Variants in ZNF385B observed in about 807,000 individuals in gnomAD.
ZNF385B encodes the protein zinc finger protein 533.
Under a neutral mutation model 39.2 loss-of-function variants are expected in ZNF385B, and 23 were observed. That is an observed-to-expected ratio of 0.59 (90% CI 0.42 to 0.83). ZNF385B has a LOEUF of 0.83. Ranked by LOEUF, ZNF385B falls within the 40% of genes least tolerant of loss-of-function variation. ZNF385B has a pLI of 0.00. For missense variants in ZNF385B, 552 were observed against 598.9 expected (o/e 0.92, Z 0.82); for synonymous variants, 205 against 222.6 (o/e 0.92, Z 0.70).
chr2:179,716,495 C>G (rs935980309), intron 3 of ZNF385B, among the ~76,000 whole-genome samples: 1 of 152,132 alleles, frequency 6.6e-6, no homozygotes, highest in Non-Finnish European at 1.5e-5. Context: ...AGATTATGTT[C>G]ATAAAAATGT....
intron 1 of ZNF385B, among the ~76,000 whole-genome samples, chr2:179,843,258 G>A (rs1487956733): frequency 6.6e-6 from 1 of 152,150 alleles, no homozygotes; most frequent in Non-Finnish European, 1.5e-5. Flanking sequence ...GAGGCAAAGG[G>A]AGCACAGGGG....
At chr2:179,444,412 T>C (rs2049260066) in intron 9 of ZNF385B, among the ~76,000 whole-genome samples, 1 of 152,214 alleles carries the variant, frequency 6.6e-6, no homozygotes, top group African/African-American at 2.4e-5. Context: ...ATTACCAACA[T>C]GCCTGCTAGA....
intron 3 of ZNF385B, among the ~76,000 whole-genome samples, chr2:179,560,783 T>C (rs1376653477): frequency 6.6e-6 from 1 of 152,220 alleles, no homozygotes; most frequent in Non-Finnish European, 1.5e-5. Context: ...AAAGCACTCA[T>C]AAAATTTGTC....
At chr2:179,607,049 G>A (rs536240328) in intron 3 of ZNF385B, among the ~76,000 whole-genome samples, 4 of 152,176 alleles carry the variant, frequency 2.6e-5, no homozygotes, top group East Asian at 1.9e-4. Context: ...ATTTGGTTAC[G>A]TCTGGACCTG....
chr2:179,806,195 G>T (rs6706312), intron 1 of ZNF385B, among the ~76,000 whole-genome samples: 15,940 of 151,990 alleles, frequency 0.1, 969 homozygotes, highest in Non-Finnish European at 0.13. Context: ...AATATGTAAA[G>T]AACTCATTCT....
chr2:179,504,517 T>A (rs1394661011), intron 5 of ZNF385B, among the ~76,000 whole-genome samples: 1 of 152,060 alleles, frequency 6.6e-6, no homozygotes, highest in East Asian at 1.9e-4. Context: ...TTCCTATTTC[T>A]CCACATCCTC....
rs191368313 is a variant in ZNF385B, at chr2:179,456,265, A to G, written c.716-9495T>C. On this transcript the variant is annotated intron_variant, in intron 6 of 9. Coordinates refer to ENST00000410066, the MANE Select transcript of ZNF385B (RefSeq NM_152520.6). ...GTGTACATTTCTGAGCTTTTGATGC[A>G]TATACCAAATTGCCCTCCAGAATGG... Among the ~76,000 whole-genome samples, 75 of 152,318 alleles carry G rather than the reference A, an allele frequency of 4.9e-4. 1 individual carries two copies. In the East Asian group the frequency reaches 0.011, roughly 22 times the overall value.
At chr2:179,628,549 G>A (rs1442891921) in intron 3 of ZNF385B, among the ~76,000 whole-genome samples, 1 of 152,138 alleles carries the variant, frequency 6.6e-6, no homozygotes, top group African/African-American at 2.4e-5. Context: ...GAGTGGGGTT[G>A]TACTTCTATA....
chr2:179,622,432 A>T (rs1690294755), intron 3 of ZNF385B, among the ~76,000 whole-genome samples: 1 of 152,194 alleles, frequency 6.6e-6, no homozygotes, highest in Admixed American at 6.5e-5. Flanking sequence ...GTATCTAATG[A>T]CACTGGAAAA....
intron 3 of ZNF385B, among the ~76,000 whole-genome samples, chr2:179,613,819 C>A (rs1035224221): frequency 6.6e-6 from 1 of 152,084 alleles, no homozygotes; most frequent in Admixed American, 6.5e-5. Context: ...ACCTAGACTG[C>A]CTTTTAAGTT....
chr2:179,823,935 A>G (rs1707541431), intron 1 of ZNF385B, among the ~76,000 whole-genome samples: 1 of 152,126 alleles, frequency 6.6e-6, no homozygotes, highest in African/African-American at 2.4e-5. Flanking sequence ...GGCTTGAGCA[A>G]TTACAGGTAT....
intron 5 of ZNF385B, among the ~76,000 whole-genome samples, chr2:179,490,593 G>A (rs930138233): frequency 6.7e-6 from 1 of 149,644 alleles, no homozygotes; most frequent in Non-Finnish European, 1.5e-5. Context: ...GCTGCAGTTT[G>A]AGTTAAAAAT....
chr2:179,505,950 T>C (rs2057216997), intron 5 of ZNF385B, among the ~76,000 whole-genome samples: 1 of 152,144 alleles, frequency 6.6e-6, no homozygotes, highest in South Asian at 2.1e-4. Flanking sequence ...AAATAAATGA[T>C]TGCTGTGATT....
chr2:179,630,078 C>T (rs1049834224), intron 3 of ZNF385B, among the ~76,000 whole-genome samples: 5 of 152,256 alleles, frequency 3.3e-5, no homozygotes, highest in East Asian at 3.8e-4. Flanking sequence ...TCTGCCTCTG[C>T]GGGCAGGGCA....
intron 3 of ZNF385B, among the ~76,000 whole-genome samples, chr2:179,756,316 CT>C (rs1195611957): frequency 6.6e-6 from 1 of 152,222 alleles, no homozygotes; most frequent in Admixed American, 6.5e-5. Context: ...CACCCACTCT[CT>C]TCTGGCTTGT....
At chr2:179,563,305 T>C (rs549994716) in intron 3 of ZNF385B, among the ~76,000 whole-genome samples, 131 of 152,312 alleles carry the variant, frequency 8.6e-4, no homozygotes, top group African/African-American at 2.9e-3. Flanking sequence ...TGGCTATGAC[T>C]GAATGGTTGT....
chr2:179,688,572 G>A (rs1367706694), intron 3 of ZNF385B, among the ~76,000 whole-genome samples: 1 of 152,120 alleles, frequency 6.6e-6, no homozygotes, highest in Admixed American at 6.5e-5. Flanking sequence ...TATCTCCTTT[G>A]AGTGCCAATG....
intron 3 of ZNF385B, among the ~76,000 whole-genome samples, chr2:179,631,197 C>T (rs971438747): frequency 5.9e-5 from 9 of 152,114 alleles, no homozygotes; most frequent in Non-Finnish European, 8.8e-5. Context: ...TCGACACGAG[C>T]AACCACAGGA....
intron 3 of ZNF385B, among the ~76,000 whole-genome samples, chr2:179,769,127 T>C (rs1026318909): frequency 5.3e-5 from 8 of 152,018 alleles, no homozygotes; most frequent in Non-Finnish European, 7.4e-5. Flanking sequence ...TGCCACCCAA[T>C]AGAAAGCAGA....
Sources: gnomAD v4.1 joint callset for allele counts (sites outside exome capture counted in the v4.1 genomes callset) on GRCh38, gnomAD v4.1.1 for gene constraint, MANE v1.5 for transcripts, NCBI Gene and HGNC (gene_info 2026-07-23, HGNC 2026-07-21) for gene names.